NOA1: variants seen among roughly 807,000 people sequenced by gnomAD.
NOA1 encodes the protein nitric oxide-associated protein 1.
NOA1 carries 35 observed loss-of-function variants against 58.4 expected under a neutral mutation model. The observed-to-expected ratio is 0.60, with a 90% CI of 0.46 to 0.79. The LOEUF (loss-of-function observed/expected upper bound fraction) is 0.79, where lower values mean the gene tolerates loss of function less well. Among genes scored for constraint, NOA1 ranks in the 30% least tolerant of loss-of-function variants. The pLI, the probability that NOA1 is intolerant of heterozygous loss-of-function variation, is 0.00. For synonymous variants in NOA1, 397 were observed against 373.4 expected, an observed-to-expected ratio of 1.06 and a Z score of -0.73; for missense variants, 895 against 894.6, an observed-to-expected ratio of 1.00 and a Z score of -0.01.
intron 6 of NOA1, 82 bp downstream of exon 6, chr4:56,964,324 C>T (rs1161351979): frequency 3.2e-6 from 5 of 1,557,144 alleles, no homozygotes; most frequent in Non-Finnish European, 3.5e-6. Context: ...ACCTCGGCCT[C>T]ACAAAGTGCT....
intron 1 of NOA1, among the ~76,000 whole-genome samples, chr4:56,975,916 G>A (rs981016559): frequency 6.6e-6 from 1 of 151,906 alleles, no homozygotes; most frequent in Non-Finnish European, 1.5e-5. Context: ...GTGTGGTGGC[G>A]CATGCCTCGA....
intron 5 of NOA1, among the ~76,000 whole-genome samples, chr4:56,965,470 G>C (rs891395734): frequency 1.3e-5 from 2 of 152,096 alleles, no homozygotes; most frequent in Non-Finnish European, 2.9e-5. Flanking sequence ...GCATCTATAA[G>C]TACTATGGTT....
intron 3 of NOA1, among the ~76,000 whole-genome samples, chr4:56,970,953 A>G (rs946829381): frequency 3.3e-5 from 5 of 152,170 alleles, no homozygotes; most frequent in Non-Finnish European, 5.9e-5. Context: ...TGCCTTTCTG[A>G]CACAACTATT....
In NOA1 at chr4:56,964,654, TGAAAA is replaced by T. The variant is rs923943225; in HGVS notation, c.1765-133_1765-129del. The T allele has an allele frequency of 6.9e-5, 73 of 1,059,396 alleles. No homozygotes were observed. In the African/African-American group the frequency reaches 1.1e-3, roughly 16 times the overall value. 65.6% of individuals were successfully genotyped at this position (1,059,396 alleles called of 1,614,324 possible). On this transcript the variant is annotated intron_variant, in intron 5 of 6. Transcript: ENST00000264230. ...AAAATCCTTTCAAATATTCAACTGTTGAAAAGAACTTGCAATCACTTCTGGGGTCA... is the reference window on the plus strand; with the variant it reads ...AAAATCCTTTCAAATATTCAACTGTTGAACTTGCAATCACTTCTGGGGTCA...
chr4:56,966,574 C>T (rs1300364505), intron 5 of NOA1, 46 bp downstream of exon 5: 2 of 1,117,458 alleles, frequency 1.8e-6, no homozygotes, highest in African/African-American at 1.5e-5. Context: ...GGGACCATCC[C>T]AGTGTATACT....
chr4:56,966,244 C>G (rs1257841999), intron 5 of NOA1, among the ~76,000 whole-genome samples: 2 of 152,072 alleles, frequency 1.3e-5, no homozygotes, highest in African/African-American at 2.4e-5. Flanking sequence ...CCAGGCTGGT[C>G]TTGAACTCCT....
At chr4:56,967,718 A>C (rs1467272653) in intron 4 of NOA1, among the ~76,000 whole-genome samples, 1 of 152,176 alleles carries the variant, frequency 6.6e-6, no homozygotes, top group African/African-American at 2.4e-5. Context: ...ATGGTATACA[A>C]AGTGTGGAAT....
At chr4:56,971,488 T>A (rs1396929081) in intron 3 of NOA1, among the ~76,000 whole-genome samples, 3 of 152,096 alleles carry the variant, frequency 2.0e-5, no homozygotes, top group Non-Finnish European at 4.4e-5. Context: ...TGTGTATGAT[T>A]CAATGACAGG....
chr4:56,963,412 T>C lies in NOA1; in HGVS notation c.*38A>G, dbSNP rs1460873241. ...TACAAATTCAATGTATTTTGTTGTG[T>C]TCAATACAGTTAATATCTGGAGTGA... is the stretch of plus-strand genomic sequence containing the variant. On this transcript the variant is annotated 3_prime_UTR_variant, in exon 7 of 7. Coordinates refer to ENST00000264230, the MANE Select transcript of NOA1 (RefSeq NM_032313.4). The C allele has an allele frequency of 2.7e-6, 4 of 1,464,402 alleles. No individual in the cohort carries two copies. The highest frequency in any genetic ancestry group is 3.8e-6 in the Non-Finnish European group (4 of 1,044,634). The allele number at this position is 1,464,402 out of a possible 1,614,324, so 90.7% of individuals were successfully genotyped here.
In NOA1 at chr4:56,976,640, TC is replaced by T; in HGVS notation, c.945del (p.Ile316SerfsTer12). 6.2e-7 allele frequency: 1 copy of T among 1,614,184 alleles called. No individual in the cohort carries two copies. Among genetic ancestry groups the T allele is most frequent in the Non-Finnish European group, 8.5e-7 (1 of 1,180,024 alleles). Reference sequence around the variant, plus strand: ...ACTCCATAGCCGGTCTTGGCGCTGATCAGCCGCACGTCCCTGACCACTGTGC... The same window carrying T: ...ACTCCATAGCCGGTCTTGGCGCTGATAGCCGCACGTCCCTGACCACTGTGC... ...WSRTVVRDVR[L>X]ISAKTGYGVE... On this transcript the variant is annotated frameshift_variant, in exon 1 of 7. Coordinates refer to ENST00000264230, the MANE Select transcript of NOA1 (RefSeq NM_032313.4). LOFTEE classifies it high-confidence loss of function.
In NOA1 at chr4:56,963,482, C is replaced by T. The variant is rs190470042; in HGVS notation, c.2065G>A (p.Val689Met). The change falls in exon 7 of 7, where the codon GTG becomes ATG. Residue 689 changes from valine to methionine, a missense_variant. Val to Met is a conservative substitution (Grantham distance 21, BLOSUM62 1). Coordinates refer to ENST00000264230, the MANE Select transcript of NOA1 (RefSeq NM_032313.4). ...TTTATCTTTCCTTTCTTCTTCCTCA[C>T]GTTGTACATAAGGGAAGGAGGCTTC... ...TKKPPSLMYN[V>M]RKKKGKINV 2.3e-4 allele frequency: 368 copies of T among 1,614,076 alleles called. 1 individual carries two copies. The highest frequency in any genetic ancestry group is 7.8e-4 in the Admixed American group (47 of 60,012).
chr4:56,967,122 C>G (rs758601999), intron 4 of NOA1, among the ~76,000 whole-genome samples: 6 of 152,014 alleles, frequency 3.9e-5, no homozygotes, highest in Non-Finnish European at 7.4e-5. Context: ...TGGCTCATGC[C>G]TATAATCCCA....
intron 3 of NOA1, among the ~76,000 whole-genome samples, chr4:56,970,267 G>C (rs1294693630): frequency 6.6e-6 from 1 of 151,850 alleles, no homozygotes; most frequent in Non-Finnish European, 1.5e-5. Flanking sequence ...CTGCACTCCA[G>C]CCTAGACCAG....
chr4:56,970,281 G>A (rs1721789143), intron 3 of NOA1, among the ~76,000 whole-genome samples: 1 of 151,928 alleles, frequency 6.6e-6, no homozygotes, highest in African/African-American at 2.4e-5. Flanking sequence ...AGACCAGACT[G>A]GGCAACATAG....
At position 56,977,463 on chromosome 4, in the gene NOA1, G is replaced by C. The variant is rs1389593804; in HGVS notation, c.123C>G (p.Ser41=). ...GTCCCAGACTCGATGAGTGCTGGAA[G>C]GAGGAGGCGGCAGCGCACCTCCTCT... ...LLERRCAAAS[S]FQHSSSLGRE... is the part of the protein sequence containing the mutation. The change falls in exon 1 of 7, where the codon TCC becomes TCG. Residue 41 remains serine (S), a synonymous_variant. Coordinates refer to ENST00000264230, the MANE Select transcript of NOA1 (RefSeq NM_032313.4). The C allele has an allele frequency of 6.2e-7, 1 of 1,614,084 alleles. No individual in the cohort carries two copies. The highest frequency in any genetic ancestry group is 8.5e-7 in the Non-Finnish European group (1 of 1,180,038).
At chr4:56,964,999 A>T (rs1313788935) in intron 5 of NOA1, among the ~76,000 whole-genome samples, 1 of 134,612 alleles carries the variant, frequency 7.4e-6, no homozygotes, top group Non-Finnish European at 1.7e-5. Context: ...GAAGTAATTG[A>T]GTAATTTTTT....
At chr4:56,964,962 T>C (rs1441511314) in intron 5 of NOA1, among the ~76,000 whole-genome samples, 1 of 152,136 alleles carries the variant, frequency 6.6e-6, no homozygotes, top group African/African-American at 2.4e-5. Context: ...GATTTAGCTT[T>C]TATGTTTACA....
chr4:56,967,855 G>GT (rs1721743251), intron 4 of NOA1, among the ~76,000 whole-genome samples: 3 of 151,708 alleles, frequency 2.0e-5, no homozygotes, highest in Admixed American at 2.0e-4. Flanking sequence ...AATTGAAAAC[G>GT]TAAGTTTTCA....
Position 56,976,707 on chromosome 4 carries a change from C to G in NOA1, c.879G>C (p.Glu293Asp), listed in dbSNP as rs776748390. 3 of 1,613,066 alleles carry G rather than the reference C, an allele frequency of 1.9e-6. No homozygotes were observed. The East Asian group carries it at 6.7e-5, about 36-fold the overall frequency. The change falls in exon 1 of 7, where the codon GAG (glutamate) becomes GAC (aspartate). Residue 293 changes from glutamate to aspartate, a missense_variant. By Grantham distance (45) the Glu-to-Asp change is conservative. Coordinates refer to ENST00000264230, the MANE Select transcript of NOA1 (RefSeq NM_032313.4). ...HQGPQRPVKD[E>D]PQDGENPNPP... ...GATTCGGATTCTCCCCGTCCTGTGGCTCGTCCTTGACGGGGCGCTGTGGCC... is the reference window on the plus strand; with the variant it reads ...GATTCGGATTCTCCCCGTCCTGTGGGTCGTCCTTGACGGGGCGCTGTGGCC...
Sources: allele counts gnomAD v4.1 joint callset (sites outside exome capture counted in the v4.1 genomes callset), GRCh38; gene constraint gnomAD v4.1.1; transcripts MANE v1.5; gene names NCBI Gene and HGNC (gene_info 2026-07-23, HGNC 2026-07-21).